Variants in RAP1GAP2 observed in about 807,000 individuals in gnomAD.
The protein encoded by RAP1GAP2 is RAP1 GTPase activating protein 2.
In RAP1GAP2, 27 loss-of-function variants were observed where a neutral mutation model predicts 95.0. The ratio of observed to expected loss-of-function variants is 0.28; its 90% confidence interval spans 0.21 to 0.39. The LOEUF (loss-of-function observed/expected upper bound fraction) is 0.39. RAP1GAP2 is among the 10% of genes least tolerant of loss of function. The pLI is 1.00. For synonymous variants in RAP1GAP2, 373 were observed against 380.9 expected (o/e 0.98, Z 0.24); for missense variants, 771 against 970.0 (o/e 0.79, Z 2.72).
intron 2 of RAP1GAP2, among the ~76,000 whole-genome samples, chr17:2,848,660 C>T (rs1025839732): frequency 3.3e-5 from 5 of 152,046 alleles, no homozygotes; most frequent in Non-Finnish European, 7.4e-5. Flanking sequence ...ATTCCAAGCG[C>T]CCGCCACCAC....
chr17:3,002,637 G>C (rs1171701084), intron 14 of RAP1GAP2, among the ~76,000 whole-genome samples: 5 of 152,202 alleles, frequency 3.3e-5, no homozygotes, highest in African/African-American at 1.2e-4. Flanking sequence ...AGCCCCAGGA[G>C]GCCTCCACTG....
At chr17:2,975,049 C>T (rs545994891) in intron 8 of RAP1GAP2, among the ~76,000 whole-genome samples, 6 of 152,066 alleles carry the variant, frequency 3.9e-5, no homozygotes, top group South Asian at 2.1e-4. Flanking sequence ...GCCAACATGG[C>T]GAAACCCCAT....
chr17:3,025,857 TG>T, intron 19 of RAP1GAP2, 150 bp from the exon 20 acceptor site: 1 of 632,098 alleles, frequency 1.6e-6, no homozygotes, highest in Non-Finnish European at 2.9e-6. Flanking sequence ...GGGGCTCAGG[TG>T]GGAAAGGACA....
intron 2 of RAP1GAP2, among the ~76,000 whole-genome samples, chr17:2,821,218 C>T (rs952345774): frequency 6.6e-6 from 1 of 151,950 alleles, no homozygotes. Flanking sequence ...TTGCTACATT[C>T]TTTTTTCCCC....
In RAP1GAP2 at chr17:2,857,520, G is replaced by T. The variant is rs1228249597; in HGVS notation, c.81-47764G>T. Among the ~76,000 whole-genome samples the T allele has an allele frequency of 6.6e-6, 1 of 152,212 alleles. No individual in the cohort carries two copies. The highest frequency in any genetic ancestry group is 1.5e-5 in the Non-Finnish European group (1 of 68,034). Reference sequence around the variant, plus strand: ...TGTTGGACTTGACCGTGCTCTACGGGAGCTGTGGGGCAGCCTGGAGGTTAT... The same window carrying T: ...TGTTGGACTTGACCGTGCTCTACGGTAGCTGTGGGGCAGCCTGGAGGTTAT... On this transcript the variant is annotated intron_variant, in intron 2 of 24. Transcript: ENST00000254695. The surrounding 1 kb of genome is among the most constrained non-coding windows in gnomAD (Gnocchi z 4.0).
intron 3 of RAP1GAP2, among the ~76,000 whole-genome samples, chr17:2,945,019 G>A (rs112095004): frequency 2.0e-5 from 3 of 151,956 alleles, no homozygotes; most frequent in African/African-American, 7.3e-5. Flanking sequence ...GATTACAGGC[G>A]CCCGCCACCA....
rs1394900583 is a variant in RAP1GAP2, at chr17:3,027,491, A to AG, written c.2107+424dup. Among the ~76,000 whole-genome samples the AG allele has an allele frequency of 6.6e-6, 1 of 151,816 alleles. No individual in the cohort carries two copies. The highest frequency in any genetic ancestry group is 1.5e-5 in the Non-Finnish European group (1 of 67,948). ...AAGACGGGGGAAGGGCTGCAGGGGG[A>AG]GGGAACAGCATGTGGAAAGGCCCAG... On this transcript the variant is annotated intron_variant, in intron 22 of 24. Coordinates refer to ENST00000254695, the MANE Select transcript of RAP1GAP2 (RefSeq NM_015085.5). This position sits in a 1 kb window ranked among gnomAD's most constrained non-coding sequence, Gnocchi z 5.2.
In RAP1GAP2 at chr17:3,029,229, G is replaced by A. The variant is rs2047218266; in HGVS notation, c.2108-1693G>A. Among the ~76,000 whole-genome samples, 1 of 152,218 alleles carries A rather than the reference G, an allele frequency of 6.6e-6. No individual in the cohort carries two copies. The highest frequency in any genetic ancestry group is 2.4e-5 in the African/African-American group (1 of 41,454). On this transcript the variant is annotated intron_variant, in intron 22 of 24. Transcript: ENST00000254695. The surrounding 1 kb of genome is among the most constrained non-coding windows in gnomAD (Gnocchi z 4.4). ...AACGTCAAAGTAAGGAAGGTTTTGAGTAAAGGAATTAGAGAGTCTCTGCAG... is the reference window on the plus strand; with the variant it reads ...AACGTCAAAGTAAGGAAGGTTTTGAATAAAGGAATTAGAGAGTCTCTGCAG...
At chr17:2,962,570 T>C in intron 4 of RAP1GAP2, 100 bp from the exon 5 acceptor site, 1 of 1,285,950 alleles carries the variant, frequency 7.8e-7, no homozygotes, top group Non-Finnish European at 1.1e-6. Context: ...CTTTTGCTGC[T>C]GCTCCTGTTA....
In RAP1GAP2 at chr17:2,870,013, G is replaced by A. The variant is rs1013134304; in HGVS notation, c.81-35271G>A. 3.4e-5 allele frequency among the ~76,000 whole-genome samples: 5 copies of A among 146,926 alleles called. No homozygotes were observed. Among genetic ancestry groups the A allele is most frequent in the Non-Finnish European group, 5.9e-5 (4 of 68,006 alleles). On this transcript the variant is annotated intron_variant, in intron 2 of 24. Coordinates refer to ENST00000254695, the MANE Select transcript of RAP1GAP2 (RefSeq NM_015085.5). This position sits in a 1 kb window ranked among gnomAD's most constrained non-coding sequence, Gnocchi z 4.4. ...ATGGGCAGCAGCTACTCCAGGGTGC[G>A]TTGACCTGCAGAGCAGGCCTCAGGG...
intron 2 of RAP1GAP2, among the ~76,000 whole-genome samples, chr17:2,802,114 A>G (rs2069326823): frequency 6.6e-6 from 1 of 152,130 alleles, no homozygotes; most frequent in South Asian, 2.1e-4. Context: ...TCCTCCAATG[A>G]ATCGCCCTCC....
intron 1 of RAP1GAP2, among the ~76,000 whole-genome samples, chr17:2,761,955 T>C (rs914042663): frequency 6.0e-5 from 9 of 151,176 alleles, no homozygotes; most frequent in African/African-American, 2.2e-4. Flanking sequence ...CATCTTTTCA[T>C]GTAGTTATTG....
chr17:2,981,624 C>T (rs1334808149), intron 10 of RAP1GAP2, among the ~76,000 whole-genome samples: 1 of 152,140 alleles, frequency 6.6e-6, no homozygotes, highest in Non-Finnish European at 1.5e-5. Context: ...GCGGGAAGTA[C>T]AGCAGGCAGA....
chr17:2,997,905 A>C (rs1416677230), intron 13 of RAP1GAP2, among the ~76,000 whole-genome samples: 3 of 149,900 alleles, frequency 2.0e-5, no homozygotes, highest in Admixed American at 2.0e-4. Context: ...CCTGGGCAAC[A>C]CAGTGAGACC....
rs1555537909 is a variant in RAP1GAP2 at position 2,758,181 on chromosome 17, C to CT, written c.50+2426dup. On this transcript the variant is annotated intron_variant, in intron 1 of 25. Transcript: ENST00000637138. ...ACCACGCCTGGCCACGCCCCCCCCC[C>CT]TTTTTTTTTTTTAAGATGAAGTCTA... 4.5e-3 allele frequency among the ~76,000 whole-genome samples: 562 copies of CT among 124,154 alleles called. 12 individuals carry two copies. The highest frequency in any genetic ancestry group is 0.042 in the East Asian group (161 of 3,858). 81.4% of individuals were successfully genotyped at this position (124,154 alleles called of 152,430 possible).
chr17:2,951,906 C>T (rs1314170314), intron 3 of RAP1GAP2, among the ~76,000 whole-genome samples: 2 of 151,620 alleles, frequency 1.3e-5, no homozygotes, highest in Admixed American at 6.6e-5. Context: ...TGGTGGTGGG[C>T]GCCTGTAGTC....
In RAP1GAP2 at chr17:3,004,901, C is replaced by T. The variant is rs973587085; in HGVS notation, c.1201-468C>T. Among the ~76,000 whole-genome samples the T allele has an allele frequency of 2.6e-5, 4 of 152,152 alleles. No individual in the cohort carries two copies. The highest frequency in any genetic ancestry group is 7.2e-5 in the African/African-American group (3 of 41,440). Reference sequence around the variant, plus strand: ...AGGCTTGGGAAGAGAACCCCAGAGACGGGTCGGGAGAGGTCTGGATGCTCT... The same window carrying T: ...AGGCTTGGGAAGAGAACCCCAGAGATGGGTCGGGAGAGGTCTGGATGCTCT... On this transcript the variant is annotated intron_variant, in intron 14 of 24. Coordinates refer to ENST00000254695, the MANE Select transcript of RAP1GAP2 (RefSeq NM_015085.5). The surrounding 1 kb of genome is among the most constrained non-coding windows in gnomAD (Gnocchi z 4.1).
intron 2 of RAP1GAP2, among the ~76,000 whole-genome samples, chr17:2,814,680 C>T (rs936333614): frequency 6.6e-6 from 1 of 152,096 alleles, no homozygotes; most frequent in Non-Finnish European, 1.5e-5. Flanking sequence ...GTGGCTGTCC[C>T]CTCCCTACCT....
In RAP1GAP2 at chr17:3,004,799, C is replaced by G. The variant is rs1047418799; in HGVS notation, c.1201-570C>G. ...CGATTCGGCAGGTTTAGGCCAGAGC[C>G]CATGAACCCAGTCTGTATTTTTAAA... On this transcript the variant is annotated intron_variant, in intron 14 of 24. Coordinates refer to ENST00000254695, the MANE Select transcript of RAP1GAP2 (RefSeq NM_015085.5). The surrounding 1 kb of genome is among the most constrained non-coding windows in gnomAD (Gnocchi z 4.1). 2.6e-5 allele frequency among the ~76,000 whole-genome samples: 4 copies of G among 152,364 alleles called. No homozygotes were observed. The highest frequency in any genetic ancestry group is 9.6e-5 in the African/African-American group (4 of 41,582).
Sources: gnomAD v4.1 joint callset for allele counts (sites outside exome capture counted in the v4.1 genomes callset) on GRCh38, gnomAD v4.1.1 for gene constraint, Gnocchi (gnomAD v3.1) non-coding constraint, MANE v1.5 for transcripts, NCBI Gene and HGNC (gene_info 2026-07-23, HGNC 2026-07-21) for gene names.